Variants in RNF166 observed in about 807,000 individuals in gnomAD.
RNF166 encodes ring finger protein 166.
In RNF166, 19 loss-of-function variants were observed where a neutral mutation model predicts 29.4. The observed-to-expected ratio is 0.65, with a 90% CI of 0.45 to 0.95. The LOEUF (loss-of-function observed/expected upper bound fraction) is 0.95. Ranked by LOEUF, RNF166 falls within the 40% of genes least tolerant of loss-of-function variation. The pLI, the probability that RNF166 is intolerant of heterozygous loss-of-function variation, is 0.00. For synonymous variants in RNF166, 171 were observed against 134.5 expected (o/e 1.27, Z -1.88); for missense variants, 347 against 322.1 (o/e 1.08, Z -0.59).
At chr16:88,701,756 G>A (rs542730145) in intron 1 of RNF166, 507 of 280,982 alleles carry the variant, frequency 1.8e-3, no homozygotes, top group African/African-American at 0.01. Context: ...TCACGTTCAC[G>A]TGGCGACAAC....
At chr16:88,701,205 G>A in intron 2 of RNF166, 57 bp downstream of exon 2, 1 of 1,602,100 alleles carries the variant, frequency 6.2e-7, no homozygotes, top group Non-Finnish European at 8.5e-7. Flanking sequence ...AGAACCCGTG[G>A]GCTGAGGCTG....
chr16:88,702,395 G>A (rs1225601157), intron 1 of RNF166, among the ~76,000 whole-genome samples: 1 of 152,190 alleles, frequency 6.6e-6, no homozygotes, highest in Non-Finnish European at 1.5e-5. Flanking sequence ...CTTCTCCCTG[G>A]CAAGGCCACA....
chr16:88,702,851 G>T lies in RNF166; in HGVS notation c.156-1433C>A, dbSNP rs535724149. 6.9e-3 allele frequency: 6,774 copies of T among 985,498 alleles called. 31 individuals are homozygous for T. The highest frequency in any genetic ancestry group is 7.7e-3 in the Non-Finnish European group (6,384 of 829,952). 61.0% of individuals were successfully genotyped at this position (985,498 alleles called of 1,614,324 possible). A position where few individuals can be genotyped will look rare whatever the true frequency, so the allele number is the denominator to read the frequency against. On this transcript the variant is annotated intron_variant, in intron 1 of 5. Coordinates refer to ENST00000312838, the MANE Select transcript of RNF166 (RefSeq NM_178841.4). ...GCACTGACCCCTGGATTTGAGCCGG[G>T]GGGGCCGCCTACTTCACCCGTTCAC...
At chr16:88,698,169 G>T in intron 5 of RNF166, 2 of 602,912 alleles carry the variant, frequency 3.3e-6, no homozygotes, top group South Asian at 2.0e-5. Context: ...CGATGTTGAT[G>T]AAAGTCCTTC....
chr16:88,704,442 A>C, intron 1 of RNF166: 1 of 985,450 alleles, frequency 1.0e-6, no homozygotes, highest in Non-Finnish European at 1.2e-6. Context: ...GATGCTCCAC[A>C]ATTCCATGTG....
intron 1 of RNF166, among the ~76,000 whole-genome samples, chr16:88,705,417 G>A (rs1167920831): frequency 1.3e-5 from 2 of 152,226 alleles, no homozygotes; most frequent in Non-Finnish European, 2.9e-5. Context: ...GCACTTAGGA[G>A]GGAGCAGACA....
chr16:88,701,571 A>C, intron 1 of RNF166, 153 bp from the exon 2 acceptor site: 1 of 724,544 alleles, frequency 1.4e-6, no homozygotes, highest in East Asian at 2.9e-5. Context: ...GGTCACTCCT[A>C]TGTCCGGGGC....
chr16:88,706,330 G>C lies in RNF166; in HGVS notation c.-5C>G. ...CAGGCTGCGGAACATAGCCATCCCG[G>C]GGCCAGGCCCGCGCCGCCCGCCGCC... On this transcript the variant is annotated 5_prime_UTR_variant, in exon 1 of 6. Coordinates refer to ENST00000312838, the MANE Select transcript of RNF166 (RefSeq NM_178841.4). 2 of 1,217,372 alleles carry C rather than the reference G, an allele frequency of 1.6e-6. No individual in the cohort carries two copies. The highest frequency in any genetic ancestry group is 3.5e-5 in the South Asian group (1 of 28,908). The allele number at this position is 1,217,372 out of a possible 1,614,324, so 75.4% of individuals were successfully genotyped here.
chr16:88,703,780 C>A, intron 1 of RNF166: 1 of 985,456 alleles, frequency 1.0e-6, no homozygotes, highest in Non-Finnish European at 1.2e-6. Context: ...AGCAGGCACC[C>A]GGGACTGCCA....
chr16:88,701,513 G>A, intron 1 of RNF166, 95 bp from the exon 2 acceptor site: 4 of 1,198,724 alleles, frequency 3.3e-6, no homozygotes, highest in Non-Finnish European at 4.5e-6. Flanking sequence ...AGCATTTGTG[G>A]GGTCCACAGG....
Position 88,699,095 on chromosome 16 carries a change from C to G in RNF166, c.426-10G>C, listed in dbSNP as rs1244771799. On this transcript the variant is annotated splice_polypyrimidine_tract_variant and intron_variant, in intron 3 of 5. Coordinates refer to ENST00000312838, the MANE Select transcript of RNF166 (RefSeq NM_178841.4). ...CCTGTTGGGGATGTTGCTGGCGGGG[C>G]GGGGGTAGAGTGAGTGGCACGGCTA... 2.5e-6 allele frequency: 4 copies of G among 1,581,918 alleles called. No homozygotes were observed. Among genetic ancestry groups the G allele is most frequent in the African/African-American group, 1.3e-5 (1 of 74,498 alleles).
chr16:88,704,190 G>C, intron 1 of RNF166: 3 of 985,472 alleles, frequency 3.0e-6, no homozygotes, highest in Non-Finnish European at 3.6e-6. Context: ...CTTCCGAAGG[G>C]AACCTGAAGA....
chr16:88,706,262 C>G lies in RNF166; in HGVS notation c.64G>C (p.Gly22Arg). 1 of 1,304,596 alleles carries G rather than the reference C, an allele frequency of 7.7e-7. No homozygotes were observed. The highest frequency in any genetic ancestry group is 3.7e-5 in the Admixed American group (1 of 27,334). 80.8% of individuals were successfully genotyped at this position (1,304,596 alleles called of 1,614,324 possible). Residue 22 changes from glycine to arginine, a missense_variant, in exon 1 of 6, where the codon GGC (glycine) becomes CGC (arginine). Gly to Arg is a moderately radical substitution (Grantham distance 125). Transcript: ENST00000312838. Reference sequence around the variant, plus strand: ...TGCGCCTCCAGGCCGCTGTCGCCGCCCGCCGGCCCGGCCGGCGGCTGCCGC... The same window carrying G: ...TGCGCCTCCAGGCCGCTGTCGCCGCGCGCCGGCCCGGCCGGCGGCTGCCGC... ...QQRQPPAGPA[G>R]GDSGLEAQYT...
rs576650745 is a variant in RNF166, at chr16:88,699,508, A to G, written c.425+112T>C. 7.5e-6 allele frequency: 6 copies of G among 804,206 alleles called. No homozygotes were observed. The East Asian group carries it at 1.6e-4, about 22-fold the overall frequency. The allele number at this position is 804,206 out of a possible 1,614,324, so 49.8% of individuals were successfully genotyped here. A position where few individuals can be genotyped will look rare whatever the true frequency, so the allele number is the denominator to read the frequency against. ...AGGAAGGTCCACTTCCCCAGAGTGGACCCGGCCCCGGGTGACTCCCCCAGC... is the reference window on the plus strand; with the variant it reads ...AGGAAGGTCCACTTCCCCAGAGTGGGCCCGGCCCCGGGTGACTCCCCCAGC... On this transcript the variant is annotated intron_variant, in intron 3 of 5. Coordinates refer to ENST00000312838, the MANE Select transcript of RNF166 (RefSeq NM_178841.4).
chr16:88,699,061 G>A lies in RNF166; in HGVS notation c.450C>T (p.Phe150=), dbSNP rs138161076. ...TGCGGGCACCACAGTACGGGCAGGC[G>A]AAGGTGGACCTGTTGGGGATGTTGC... ...IPSNIPNRST[F]ACPYCGARNL... is the part of the protein sequence containing the mutation. The change falls in exon 4 of 6, where the codon TTC becomes TTT. Residue 150 remains phenylalanine, a synonymous_variant. Coordinates refer to ENST00000312838, the MANE Select transcript of RNF166 (RefSeq NM_178841.4). The A allele has an allele frequency of 2.0e-5, 32 of 1,610,168 alleles. No homozygotes were observed. In the African/African-American group the frequency reaches 3.1e-4, roughly 15 times the overall value.
chr16:88,698,540 G>C lies in RNF166; in HGVS notation c.610C>G (p.Leu204Val). Residue 204 changes from leucine to valine, a missense_variant, in exon 5 of 6, where the codon CTG (leucine) becomes GTG (valine). Physicochemically the swap from Leu to Val is conservative, Grantham distance 32. Coordinates refer to ENST00000312838, the MANE Select transcript of RNF166 (RefSeq NM_178841.4). ...SYKSANFLQH[L>V]LHRHKFSYDT... ...TAGGAGAACTTGTGTCGGTGAAGCA[G>C]GTGCTGCAGGAAGTTGGCGCTCTTG... The C allele has an allele frequency of 1.9e-6, 3 of 1,574,714 alleles. No individual in the cohort carries two copies. The highest frequency in any genetic ancestry group is 2.6e-6 in the Non-Finnish European group (3 of 1,159,862).
At chr16:88,703,065 C>T (rs745905572) in intron 1 of RNF166, 117 of 985,542 alleles carry the variant, frequency 1.2e-4, no homozygotes, top group Admixed American at 4.3e-4. Context: ...CACCACGCAC[C>T]GGAAGGCCTG....
intron 1 of RNF166, chr16:88,703,810 C>G: frequency 4.1e-6 from 4 of 985,422 alleles, no homozygotes; most frequent in Non-Finnish European, 4.8e-6. Context: ...CCACACTGGC[C>G]GCTGCACAAG....
chr16:88,703,169 G>A lies in RNF166; in HGVS notation c.156-1751C>T, dbSNP rs568028208. On this transcript the variant is annotated intron_variant, in intron 1 of 5. Coordinates refer to ENST00000312838, the MANE Select transcript of RNF166 (RefSeq NM_178841.4). ...CCAGCAGAGAGAAACCCAGTGACCA[G>A]AAAGCAGACGGGTGGGTGCCAGGCG... 30 of 984,374 alleles carry A rather than the reference G, an allele frequency of 3.0e-5. No individual in the cohort carries two copies. The African/African-American group carries it at 5.1e-4, about 17-fold the overall frequency. The allele number at this position is 984,374 out of a possible 1,614,324, so 61.0% of individuals were successfully genotyped here.
Sources: gnomAD v4.1 joint callset for allele counts (sites outside exome capture counted in the v4.1 genomes callset) on GRCh38, gnomAD v4.1.1 for gene constraint, MANE v1.5 for transcripts, NCBI Gene and HGNC (gene_info 2026-07-23, HGNC 2026-07-21) for gene names.